Variants in MED26 observed in about 807,000 individuals in gnomAD.
The protein encoded by MED26 is mediator of RNA polymerase II transcription subunit 26.
In MED26, 7 loss-of-function variants were observed where a neutral mutation model predicts 43.7. The ratio of observed to expected loss-of-function variants is 0.16; its 90% CI spans 0.09 to 0.30. The LOEUF (loss-of-function observed/expected upper bound fraction) is 0.30, where lower values mean the gene tolerates loss of function less well. Ranked by LOEUF, MED26 falls within the 10% of genes least tolerant of loss-of-function variation. The pLI is 1.00. For missense variants in MED26, 784 were observed against 840.6 expected (o/e 0.93, Z 0.83); for synonymous variants, 375 against 371.1 (o/e 1.01, Z -0.12).
chr19:16,593,947 C>CT (rs1293344812), intron 1 of MED26, among the ~76,000 whole-genome samples: 5 of 152,188 alleles, frequency 3.3e-5, no homozygotes, highest in Non-Finnish European at 7.3e-5. Context: ...TGCAGAGGTC[C>CT]TGGAAGTTAC....
Position 16,577,617 on chromosome 19 carries a change from C to T in MED26, c.213G>A (p.Lys71=), listed in dbSNP as rs144231247. Reference sequence around the variant, plus strand: ...AGCTCCGCAGCAGCTTCTTGGCCCGCTTGGCGAGCTCCTCGTTCTTGGTTT... The same window carrying T: ...AGCTCCGCAGCAGCTTCTTGGCCCGTTTGGCGAGCTCCTCGTTCTTGGTTT... ...RKKTKNEELA[K]RAKKLLRSWQ... is the part of the protein sequence containing the mutation. The change falls in exon 3 of 3, where the codon AAG becomes AAA. Residue 71 remains lysine (K), a synonymous_variant. Transcript: ENST00000263390. This position sits in a 1 kb window ranked among gnomAD's most constrained non-coding sequence, Gnocchi z 8.1. The T allele has an allele frequency of 2.8e-5, 45 of 1,597,306 alleles. No individual in the cohort carries two copies. In the East Asian group the frequency reaches 9.7e-4, roughly 34 times the overall value.
At chr19:16,614,289 A>G (rs1463527506) in intron 1 of MED26, among the ~76,000 whole-genome samples, 1 of 152,124 alleles carries the variant, frequency 6.6e-6, no homozygotes, top group African/African-American at 2.4e-5. Context: ...GCACTCTGGG[A>G]GGCCGAAGCA....
intron 1 of MED26, among the ~76,000 whole-genome samples, chr19:16,622,998 C>A (rs1036141658): frequency 6.6e-6 from 1 of 152,188 alleles, no homozygotes; most frequent in Non-Finnish European, 1.5e-5. Flanking sequence ...CAGGGGCTGA[C>A]GTGACCATGG....
Position 16,602,063 on chromosome 19 carries a change from A to T in MED26, c.73-23654T>A, listed in dbSNP as rs376688568. Among the ~76,000 whole-genome samples the T allele has an allele frequency of 1.6e-4, 24 of 152,244 alleles. No individual in the cohort carries two copies. The East Asian group carries it at 4.4e-3, about 28-fold the overall frequency. ...GGTGTCAGGGGATGGATGGCGGGAT[A>T]CCTGTAGCCAGACACCAGGGAGCCG... is the stretch of plus-strand genomic sequence containing the variant. On this transcript the variant is annotated intron_variant, in intron 1 of 2. Coordinates refer to ENST00000263390, the MANE Select transcript of MED26 (RefSeq NM_004831.5).
Position 16,628,202 on chromosome 19 carries a change from A to C in MED26, c.-259T>G, listed in dbSNP as rs1278134093. The C allele has an allele frequency of 2.9e-6, 1 of 342,406 alleles. No homozygotes were observed. Among genetic ancestry groups the C allele is most frequent in the Admixed American group, 4.9e-5 (1 of 20,568 alleles). 21.2% of individuals were successfully genotyped at this position (342,406 alleles called of 1,614,324 possible). ...GCCGCCGCCTCGAGAACCAAACTCC[A>C]GTGAGCTGCCCCCGCGCGGAGTACT... On this transcript the variant is annotated 5_prime_UTR_variant, in exon 1 of 3. Transcript: ENST00000263390.
At chr19:16,609,299 G>A (rs2086188168) in intron 1 of MED26, among the ~76,000 whole-genome samples, 1 of 117,694 alleles carries the variant, frequency 8.5e-6, no homozygotes, top group African/African-American at 3.4e-5. Flanking sequence ...GTGACAGAGC[G>A]AGACTCCGTC....
chr19:16,577,613 C>T lies in MED26; in HGVS notation c.217G>A (p.Ala73Thr). 6.2e-7 allele frequency: 1 copy of T among 1,600,940 alleles called. No homozygotes were observed. The change falls in exon 3 of 3, where the codon GCC becomes ACC. Residue 73 changes from alanine to threonine, a missense_variant. By Grantham distance (58) the Ala-to-Thr change is moderately conservative (BLOSUM62 0). Coordinates refer to ENST00000263390, the MANE Select transcript of MED26 (RefSeq NM_004831.5). This position sits in a 1 kb window ranked among gnomAD's most constrained non-coding sequence, Gnocchi z 8.1. Reference sequence around the variant, plus strand: ...TGCCAGCTCCGCAGCAGCTTCTTGGCCCGCTTGGCGAGCTCCTCGTTCTTG... The same window carrying T: ...TGCCAGCTCCGCAGCAGCTTCTTGGTCCGCTTGGCGAGCTCCTCGTTCTTG... ...KTKNEELAKR[A>T]KKLLRSWQKL...
intron 1 of MED26, among the ~76,000 whole-genome samples, chr19:16,601,338 A>G (rs2086148423): frequency 6.6e-6 from 1 of 152,062 alleles, no homozygotes; most frequent in African/African-American, 2.4e-5. Context: ...TATTTTTAGT[A>G]GAGACAGGGT....
chr19:16,603,289 C>T (rs917239507), intron 1 of MED26, among the ~76,000 whole-genome samples: 4 of 152,140 alleles, frequency 2.6e-5, no homozygotes, highest in South Asian at 4.1e-4. Context: ...GCATGAACAT[C>T]GCTCCCTTGT....
chr19:16,594,876 A>C (rs1450811048), intron 1 of MED26, among the ~76,000 whole-genome samples: 2 of 152,132 alleles, frequency 1.3e-5, no homozygotes, highest in East Asian at 3.9e-4. Context: ...TCTGGACCCT[A>C]CCTGTCACCA....
In MED26 at chr19:16,577,741, G is replaced by A. The variant is rs2086020037; in HGVS notation, c.148-59C>T. 1 of 1,400,908 alleles carries A rather than the reference G, an allele frequency of 7.1e-7. No homozygotes were observed. The highest frequency in any genetic ancestry group is 2.2e-5 in the Admixed American group (1 of 45,654). 86.8% of individuals were successfully genotyped at this position (1,400,908 alleles called of 1,614,324 possible). A position where few individuals can be genotyped will look rare whatever the true frequency, so the allele number is the denominator to read the frequency against. On this transcript the variant is annotated intron_variant, in intron 2 of 2. Coordinates refer to ENST00000263390, the MANE Select transcript of MED26 (RefSeq NM_004831.5). This position sits in a 1 kb window ranked among gnomAD's most constrained non-coding sequence, Gnocchi z 8.1. ...GGACAGGAACTTCTCCATGAGCTGA[G>A]CCAGAAATGGTGGGAAGTGGCCCTG... is the stretch of plus-strand genomic sequence containing the variant.
chr19:16,598,750 G>C (rs562500630), intron 1 of MED26, among the ~76,000 whole-genome samples: 1 of 152,110 alleles, frequency 6.6e-6, no homozygotes, highest in Non-Finnish European at 1.5e-5. Flanking sequence ...TGACACTGGC[G>C]CATCAGGCCT....
rs892660443 is a variant in MED26, at chr19:16,628,155, G to C, written c.-212C>G. Reference sequence around the variant, plus strand: ...CGCCACCAAAGGAGGAGGAGGAGCCGCCGGAGCCGCCGCCGCTCGCTGCCG... The same window carrying C: ...CGCCACCAAAGGAGGAGGAGGAGCCCCCGGAGCCGCCGCCGCTCGCTGCCG... On this transcript the variant is annotated 5_prime_UTR_variant, in exon 1 of 3. Coordinates refer to ENST00000263390, the MANE Select transcript of MED26 (RefSeq NM_004831.5). 1.1e-5 allele frequency: 4 copies of C among 363,414 alleles called. No homozygotes were observed. The highest frequency in any genetic ancestry group is 4.7e-5 in the Admixed American group (1 of 21,152). The allele number at this position is 363,414 out of a possible 1,614,324, so 22.5% of individuals were successfully genotyped here.
chr19:16,620,267 G>A (rs1380601454), intron 1 of MED26, among the ~76,000 whole-genome samples: 1 of 152,236 alleles, frequency 6.6e-6, no homozygotes, highest in African/African-American at 2.4e-5. Flanking sequence ...TGACAAGGGA[G>A]GCAGCCAGCA....
chr19:16,620,889 A>C (rs2079529536), intron 1 of MED26, among the ~76,000 whole-genome samples: 1 of 152,188 alleles, frequency 6.6e-6, no homozygotes, highest in Non-Finnish European at 1.5e-5. Context: ...ATTTTCTTTA[A>C]AACAGTTACT....
chr19:16,589,134 G>C (rs114758003), intron 1 of MED26: 1 of 152,400 alleles, frequency 6.6e-6, no homozygotes, highest in African/African-American at 2.4e-5. Context: ...CAGCTCCTGG[G>C]CTCTGTGTGG....
chr19:16,591,669 G>C (rs956306950), intron 1 of MED26, among the ~76,000 whole-genome samples: 1 of 152,160 alleles, frequency 6.6e-6, no homozygotes, highest in Non-Finnish European at 1.5e-5. Flanking sequence ...CTCGAGAAAA[G>C]GCCAGCGGCT....
At chr19:16,593,282 C>T (rs1346512866) in intron 1 of MED26, among the ~76,000 whole-genome samples, 2 of 152,206 alleles carry the variant, frequency 1.3e-5, no homozygotes, top group African/African-American at 4.8e-5. Context: ...GGAAAGCAAG[C>T]CCTTTCCAGC....
intron 1 of MED26, among the ~76,000 whole-genome samples, chr19:16,594,778 A>G (rs552205535): frequency 7.9e-5 from 12 of 152,338 alleles, no homozygotes; most frequent in African/African-American, 2.9e-4. Flanking sequence ...CTGACAGTCA[A>G]CCACAGCCAC....
Sources: gnomAD v4.1 joint callset for allele counts (sites outside exome capture counted in the v4.1 genomes callset) on GRCh38, gnomAD v4.1.1 for gene constraint, Gnocchi (gnomAD v3.1) non-coding constraint, MANE v1.5 for transcripts, NCBI Gene and HGNC (gene_info 2026-07-23, HGNC 2026-07-21) for gene names.